Variants in SGCZ observed in about 807,000 individuals in gnomAD.
The protein encoded by SGCZ is sarcoglycan zeta.
In SGCZ, 40 loss-of-function variants were observed where a neutral mutation model predicts 41.3. That is an observed-to-expected ratio of 0.97 (90% confidence interval 0.75 to 1.26). SGCZ has a LOEUF of 1.26. Among genes scored for constraint, SGCZ ranks in the 50% most tolerant of loss-of-function variants. The pLI is 0.00. For synonymous variants in SGCZ, 206 were observed against 137.5 expected, an observed-to-expected ratio of 1.50 and a Z score of -3.49; for missense variants, 552 against 369.8, an observed-to-expected ratio of 1.49 and a Z score of -4.04.
chr8:14,417,457 G>GATT (rs1344884792), intron 2 of SGCZ, among the ~76,000 whole-genome samples: 1 of 151,616 alleles, frequency 6.6e-6, no homozygotes, highest in Non-Finnish European at 1.5e-5. Flanking sequence ...TTTCCCCAGT[G>GATT]ATTATTATTT....
intron 1 of SGCZ, among the ~76,000 whole-genome samples, chr8:14,883,235 T>TC (rs1554517033): frequency 7.2e-6 from 1 of 137,990 alleles, no homozygotes; most frequent in Non-Finnish European, 1.6e-5. Flanking sequence ...TTGGGCTACT[T>TC]AAAAAAAAAA....
intron 2 of SGCZ, among the ~76,000 whole-genome samples, chr8:14,371,493 T>C (rs1353447244): frequency 2.0e-5 from 3 of 151,422 alleles, no homozygotes; most frequent in African/African-American, 4.9e-5. Flanking sequence ...CCCACACTAA[T>C]TTTATCCTAA....
chr8:14,561,290 T>C (rs534119760), intron 1 of SGCZ, among the ~76,000 whole-genome samples: 16 of 152,268 alleles, frequency 1.1e-4, no homozygotes, highest in African/African-American at 3.6e-4. Context: ...TAAAAGTATT[T>C]TTTACTAACT....
At chr8:14,137,889 A>G (rs1319543966) in intron 5 of SGCZ, among the ~76,000 whole-genome samples, 5 of 152,310 alleles carry the variant, frequency 3.3e-5, no homozygotes, top group Admixed American at 3.3e-4. Context: ...CAGATTCACC[A>G]AAGTTGAAAT....
At chr8:15,209,239 T>C (rs918101452) in intron 1 of SGCZ, among the ~76,000 whole-genome samples, 1 of 152,096 alleles carries the variant, frequency 6.6e-6, no homozygotes, top group African/African-American at 2.4e-5. Context: ...TTGCAGGAAA[T>C]ATAAAATCCT....
At chr8:14,204,162 G>A (rs1805543629) in intron 4 of SGCZ, among the ~76,000 whole-genome samples, 1 of 152,082 alleles carries the variant, frequency 6.6e-6, no homozygotes, top group South Asian at 2.1e-4. Context: ...CAGCAACAGT[G>A]TGGTTTGGGA....
intron 2 of SGCZ, among the ~76,000 whole-genome samples, chr8:14,360,541 G>C (rs1803474231): frequency 6.6e-6 from 1 of 152,024 alleles, no homozygotes; most frequent in African/African-American, 2.4e-5. Context: ...GGCCAGGCTG[G>C]TCTCGAACTC....
At chr8:15,101,085 T>C (rs1386049238) in intron 1 of SGCZ, among the ~76,000 whole-genome samples, 2 of 152,190 alleles carry the variant, frequency 1.3e-5, no homozygotes, top group Admixed American at 6.5e-5. Flanking sequence ...ATACGACTTA[T>C]ACTTTTCATA....
intron 1 of SGCZ, among the ~76,000 whole-genome samples, chr8:15,135,739 G>C (rs901254220): frequency 6.6e-6 from 1 of 152,072 alleles, no homozygotes; most frequent in African/African-American, 2.4e-5. Context: ...GCTTGGCCTG[G>C]GATGGTTCTT....
At chr8:14,951,960 T>C (rs1346368989) in intron 1 of SGCZ, among the ~76,000 whole-genome samples, 3 of 152,166 alleles carry the variant, frequency 2.0e-5, no homozygotes, top group Non-Finnish European at 2.9e-5. Flanking sequence ...GTGCCTATCA[T>C]AATTTATGAA....
At chr8:14,992,259 A>G (rs980141960) in intron 1 of SGCZ, among the ~76,000 whole-genome samples, 1 of 146,142 alleles carries the variant, frequency 6.8e-6, no homozygotes, top group Non-Finnish European at 1.5e-5. Flanking sequence ...TACCCTTGCT[A>G]TTTACCTCTC....
At chr8:14,817,681 C>T (rs755902390) in intron 1 of SGCZ, among the ~76,000 whole-genome samples, 1 of 152,142 alleles carries the variant, frequency 6.6e-6, no homozygotes, top group African/African-American at 2.4e-5. Context: ...CATGGCACCA[C>T]CCTCATTCCG....
chr8:15,154,585 A>C (rs1041179301), intron 1 of SGCZ, among the ~76,000 whole-genome samples: 3 of 152,260 alleles, frequency 2.0e-5, no homozygotes, highest in Non-Finnish European at 2.9e-5. Flanking sequence ...TCATAGAGGC[A>C]GAAACTTCAG....
chr8:14,985,089 T>C (rs926820626), intron 1 of SGCZ, among the ~76,000 whole-genome samples: 7 of 152,166 alleles, frequency 4.6e-5, no homozygotes, highest in African/African-American at 1.4e-4. Context: ...TACCCAATGG[T>C]CAAATACGAA....
intron 1 of SGCZ, among the ~76,000 whole-genome samples, chr8:15,149,380 T>C (rs1799117935): frequency 2.0e-5 from 3 of 152,164 alleles, no homozygotes; most frequent in African/African-American, 7.2e-5. Context: ...TTCTTACTGA[T>C]GTCCCCACCA....
At chr8:14,573,497 T>G (rs1213022218) in intron 1 of SGCZ, among the ~76,000 whole-genome samples, 1 of 152,298 alleles carries the variant, frequency 6.6e-6, no homozygotes, top group Admixed American at 6.5e-5. Context: ...CGCAAGTCTT[T>G]TTTTATTCTA....
intron 1 of SGCZ, among the ~76,000 whole-genome samples, chr8:15,145,128 C>T (rs541524735): frequency 2.0e-5 from 3 of 152,252 alleles, no homozygotes; most frequent in Admixed American, 2.0e-4. Flanking sequence ...CAAGCCCTGC[C>T]GTATCGCCTC....
chr8:14,539,873 A>G (rs13439786), intron 2 of SGCZ, among the ~76,000 whole-genome samples: 1,544 of 152,088 alleles, frequency 0.01, 21 homozygotes, highest in African/African-American at 0.036. Flanking sequence ...CAGAGATGTC[A>G]GATAGAAGTC....
Position 14,594,350 on chromosome 8 carries a change from G to C in SGCZ, c.40-39424C>G, listed in dbSNP as rs1037476274. Among the ~76,000 whole-genome samples, 5 of 151,888 alleles carry C rather than the reference G, an allele frequency of 3.3e-5. No individual in the cohort carries two copies. The East Asian group carries it at 7.8e-4, about 24-fold the overall frequency. On this transcript the variant is annotated intron_variant, in intron 1 of 7. Transcript: ENST00000382080. ...TACTGGTCCAGGTACCTAACCTTAG[G>C]AAACACTGATGTAGCATTAAAAAAA...
Sources: gnomAD v4.1 joint callset for allele counts (sites outside exome capture counted in the v4.1 genomes callset) on GRCh38, gnomAD v4.1.1 for gene constraint, MANE v1.5 for transcripts, NCBI Gene and HGNC (gene_info 2026-07-23, HGNC 2026-07-21) for gene names.